WDR93: variants seen among roughly 807,000 people sequenced by gnomAD.
The protein encoded by WDR93 is WD repeat-containing protein 93.
Under a neutral mutation model 82.9 loss-of-function variants are expected in WDR93, and 73 were observed. The observed-to-expected ratio is 0.88, with a 90% CI of 0.73 to 1.07. The LOEUF (loss-of-function observed/expected upper bound fraction) is 1.07, where lower values mean the gene tolerates loss of function less well. Ranked by LOEUF, WDR93 falls within the 50% of genes least tolerant of loss-of-function variation. The probability of loss-of-function intolerance (pLI) is 0.00; values close to 1 mark genes in which losing one functional copy is unlikely to be tolerated. For missense variants in WDR93, 738 were observed against 826.0 expected, an observed-to-expected ratio of 0.89 and a Z score of 1.31; for synonymous variants, 283 against 300.1, an observed-to-expected ratio of 0.94 and a Z score of 0.59.
At chr15:89,726,479 C>G (rs1966742438) in intron 8 of WDR93, among the ~76,000 whole-genome samples, 1 of 152,182 alleles carries the variant, frequency 6.6e-6, no homozygotes, top group Non-Finnish European at 1.5e-5. Flanking sequence ...AGGAAGCAGT[C>G]AAGGGCACTG....
chr15:89,695,227 A>T (rs11854414), intron 1 of WDR93, among the ~76,000 whole-genome samples: 66,355 of 152,008 alleles, frequency 0.44, 14,951 homozygotes, highest in African/African-American at 0.5. Context: ...AAAAGAATTG[A>T]CATTTTAACA....
intron 4 of WDR93, among the ~76,000 whole-genome samples, chr15:89,706,620 G>GAT (rs1965739407): frequency 6.6e-6 from 1 of 151,954 alleles, no homozygotes; most frequent in Non-Finnish European, 1.5e-5. Flanking sequence ...AAATTAATTT[G>GAT]ATAGAGATTT....
chr15:89,727,059 G>A lies in WDR93; in HGVS notation c.881-98G>A, dbSNP rs1003284166. On this transcript the variant is annotated intron_variant, in intron 8 of 16. Transcript: ENST00000268130. ...GCAAGAATCGATTTCTGAGGCTGAG[G>A]GATTCTGCAGGAAGCTGGGAAGAGT... is the stretch of plus-strand genomic sequence containing the variant. 1.4e-5 allele frequency: 19 copies of A among 1,361,160 alleles called. No individual in the cohort carries two copies. In the African/African-American group the frequency reaches 2.5e-4, roughly 18 times the overall value. The allele number at this position is 1,361,160 out of a possible 1,614,324, so 84.3% of individuals were successfully genotyped here. A position where few individuals can be genotyped will look rare whatever the true frequency, so the allele number is the denominator to read the frequency against.
At chr15:89,700,563 T>G (rs1253412195) in intron 1 of WDR93, among the ~76,000 whole-genome samples, 703 of 24,102 alleles carry the variant, frequency 0.029, 5 homozygotes, top group South Asian at 0.086. Context: ...TTGAGGGTTT[T>G]TTTTTTTTTT....
At chr15:89,740,394 C>T (rs113299788) in intron 16 of WDR93, among the ~76,000 whole-genome samples, 4 of 152,304 alleles carry the variant, frequency 2.6e-5, no homozygotes, top group Non-Finnish European at 5.9e-5. Context: ...TCTCATGAGT[C>T]TCTGGGGAGA....
chr15:89,717,626 G>A (rs1966323600), intron 7 of WDR93, among the ~76,000 whole-genome samples: 1 of 152,110 alleles, frequency 6.6e-6, no homozygotes, highest in East Asian at 1.9e-4. Flanking sequence ...ATATATTTTT[G>A]TAAAATTAGC....
chr15:89,721,780 G>T (rs531722091), intron 7 of WDR93, among the ~76,000 whole-genome samples: 3 of 151,964 alleles, frequency 2.0e-5, no homozygotes, highest in South Asian at 4.1e-4. Flanking sequence ...GTGTCACCAT[G>T]CCCAGTAAGG....
rs1025952407 is a variant in WDR93, at chr15:89,718,211, C to T, written c.795+1262C>T. Among the ~76,000 whole-genome samples, 6 of 152,294 alleles carry T rather than the reference C, an allele frequency of 3.9e-5. 1 individual carries two copies. Among genetic ancestry groups the T allele is most frequent in the African/African-American group, 9.6e-5 (4 of 41,566 alleles). On this transcript the variant is annotated intron_variant, in intron 7 of 16. Transcript: ENST00000268130. Reference sequence around the variant, plus strand: ...CAAAAAATGGCCGGGTGCAGTGGCTCACGCCTGTAATCCCAACACTTTGGG... The same window carrying T: ...CAAAAAATGGCCGGGTGCAGTGGCTTACGCCTGTAATCCCAACACTTTGGG...
chr15:89,702,068 A>C lies in WDR93; in HGVS notation c.303+19A>C. On this transcript the variant is annotated intron_variant, in intron 2 of 16. Coordinates refer to ENST00000268130, the MANE Select transcript of WDR93 (RefSeq NM_020212.2). ...AATCCAGGTATGGAGTAAGCAGTTG[A>C]CCAGGAGCCCCTGTTTCTCAGTTGA... 6.3e-7 allele frequency: 1 copy of C among 1,581,736 alleles called. No individual in the cohort carries two copies. The highest frequency in any genetic ancestry group is 8.6e-7 in the Non-Finnish European group (1 of 1,160,752).
chr15:89,721,593 A>G (rs1188162939), intron 7 of WDR93, among the ~76,000 whole-genome samples: 1 of 152,146 alleles, frequency 6.6e-6, no homozygotes, highest in Non-Finnish European at 1.5e-5. Flanking sequence ...TTTTGACCTC[A>G]TATAGTTGGG....
rs537088481 is a variant in WDR93, at chr15:89,693,694, C to T, written c.-41+2837C>T. Among the ~76,000 whole-genome samples the T allele has an allele frequency of 2.0e-5, 3 of 152,320 alleles. No individual in the cohort carries two copies. In the South Asian group the frequency reaches 6.2e-4, roughly 32 times the overall value. On this transcript the variant is annotated intron_variant, in intron 1 of 16. Coordinates refer to ENST00000268130, the MANE Select transcript of WDR93 (RefSeq NM_020212.2). Reference sequence around the variant, plus strand: ...CAAGATGGTGGATCCCTGCCATTATCCACCAGACCCAGGGTTTCTGTGCTA... The same window carrying T: ...CAAGATGGTGGATCCCTGCCATTATTCACCAGACCCAGGGTTTCTGTGCTA...
chr15:89,734,774 C>T (rs575022925), intron 13 of WDR93, among the ~76,000 whole-genome samples: 1 of 152,178 alleles, frequency 6.6e-6, no homozygotes, highest in East Asian at 1.9e-4. Context: ...CACTTGAGCT[C>T]AGGAGTTCAA....
At chr15:89,730,449 C>T (rs1966850490) in intron 11 of WDR93, among the ~76,000 whole-genome samples, 1 of 152,170 alleles carries the variant, frequency 6.6e-6, no homozygotes, top group Non-Finnish European at 1.5e-5. Flanking sequence ...CACCCCAACC[C>T]ACTTTTCATG....
At chr15:89,690,572 C>G, upstream of WDR93, 1 of 1,550,306 alleles carries the variant, frequency 6.5e-7, no homozygotes, top group Non-Finnish European at 8.7e-7. Context: ...TGGCACCTGA[C>G]TCACCTGAAG....
At chr15:89,742,225 T>G (rs918380172) in intron 16 of WDR93, among the ~76,000 whole-genome samples, 1 of 151,982 alleles carries the variant, frequency 6.6e-6, no homozygotes, top group Non-Finnish European at 1.5e-5. Flanking sequence ...CATCTCTACA[T>G]CTACATCTAT....
In WDR93 at chr15:89,727,223, G is replaced by C. The variant is rs1345320940; in HGVS notation, c.947G>C (p.Gly316Ala). 6.2e-7 allele frequency: 1 copy of C among 1,614,130 alleles called. No individual in the cohort carries two copies. Among genetic ancestry groups the C allele is most frequent in the Non-Finnish European group, 8.5e-7 (1 of 1,180,020 alleles). The change falls in exon 9 of 17, where the codon GGG (glycine) becomes GCG (alanine). Residue 316 changes from glycine to alanine, a missense_variant. Transcript: ENST00000268130. Reference protein sequence around the residue: ...KIKDCYGLGSGQNHFIKDSQW... With the variant: ...KIKDCYGLGSAQNHFIKDSQW... Reference sequence around the variant, plus strand: ...AAGGACTGCTACGGACTGGGCTCCGGGCAGAATCATTTCATCAAGGACAGT... The same window carrying C: ...AAGGACTGCTACGGACTGGGCTCCGCGCAGAATCATTTCATCAAGGACAGT...
At chr15:89,725,537 G>T (rs7179296) in intron 8 of WDR93, among the ~76,000 whole-genome samples, 6,207 of 144,628 alleles carry the variant, frequency 0.043, 187 homozygotes, top group Middle Eastern at 0.092. Flanking sequence ...AGATGGCAAT[G>T]TTCTATTTCT....
Position 89,722,941 on chromosome 15 carries a change from G to A in WDR93, c.880+802G>A, listed in dbSNP as rs372146233. Among the ~76,000 whole-genome samples, 19 of 152,218 alleles carry A rather than the reference G, an allele frequency of 1.2e-4. No individual in the cohort carries two copies. The East Asian group carries it at 2.7e-3, about 22-fold the overall frequency. On this transcript the variant is annotated intron_variant, in intron 8 of 16. Transcript: ENST00000268130. ...AAATCTGGGCCGTGTGCGGCGGCTC[G>A]TGCCTATAATCCTAGCACTTTGGGA... is the stretch of plus-strand genomic sequence containing the variant.
chr15:89,705,125 G>C (rs1302276001), intron 3 of WDR93: 1 of 167,366 alleles, frequency 6.0e-6, no homozygotes, highest in Non-Finnish European at 1.3e-5. Flanking sequence ...GGATTGAGAG[G>C]CAAGACACAT....
Sources: allele counts gnomAD v4.1 joint callset (sites outside exome capture counted in the v4.1 genomes callset), GRCh38; gene constraint gnomAD v4.1.1; transcripts MANE v1.5; gene names NCBI Gene and HGNC (gene_info 2026-07-23, HGNC 2026-07-21).